The following ZNF618 variants were observed in gnomAD, a reference collection of about 807,000 sequenced individuals.
ZNF618 encodes the protein zinc finger protein 618, also known as neural precursor cell expressed, developmentally down-regulated 10.
In ZNF618, 34 loss-of-function variants were observed where a neutral mutation model predicts 103.0. The observed-to-expected ratio is 0.33, with a 90% CI of 0.25 to 0.44. ZNF618 has a LOEUF of 0.44. Ranked by LOEUF, ZNF618 falls within the 20% of genes least tolerant of loss-of-function variation. The pLI is 1.00. For missense variants in ZNF618, 1,059 were observed against 1,295.4 expected (o/e 0.82, Z 2.80); for synonymous variants, 551 against 542.2 (o/e 1.02, Z -0.23).
At position 113,943,225 on chromosome 9, in the gene ZNF618, G is replaced by A. The variant is rs554030271; in HGVS notation, c.34-25892G>A. 9.8e-5 allele frequency among the ~76,000 whole-genome samples: 15 copies of A among 152,318 alleles called. No homozygotes were observed. The South Asian group carries it at 2.1e-3, about 21-fold the overall frequency. ...CTCCAGTGGCTCAGAGCAGGCATGG[G>A]AATGGATCATTGTGATAGCCTGCGG... is the stretch of plus-strand genomic sequence containing the variant. On this transcript the variant is annotated intron_variant, in intron 1 of 14. Transcript: ENST00000374126.
chr9:113,920,493 C>G (rs1470253881), intron 1 of ZNF618, among the ~76,000 whole-genome samples: 1 of 148,252 alleles, frequency 6.7e-6, no homozygotes, highest in East Asian at 2.0e-4. Flanking sequence ...CTTCCACCTT[C>G]TAGGTTCAAG....
intron 1 of ZNF618, among the ~76,000 whole-genome samples, chr9:113,908,423 C>CAT (rs1831189493): frequency 6.6e-6 from 1 of 152,034 alleles, no homozygotes. Context: ...CTCCTTCCTC[C>CAT]ATACAAAAAT....
chr9:113,938,165 GT>G lies in ZNF618; in HGVS notation c.34-30930del, dbSNP rs770850585. ...GTTTTTAGGAAAGCTTCAGGCTCCTGTTTTTTTTTTTTTTTTTTTTTTGAGA... is the reference window on the plus strand; with the variant it reads ...GTTTTTAGGAAAGCTTCAGGCTCCTGTTTTTTTTTTTTTTTTTTTTTGAGA... On this transcript the variant is annotated intron_variant, in intron 1 of 14. Coordinates refer to ENST00000374126, the MANE Select transcript of ZNF618 (RefSeq NM_001318042.2). Among the ~76,000 whole-genome samples the G allele has an allele frequency of 4.7e-3, 452 of 95,492 alleles. 1 individual carries two copies. The highest frequency in any genetic ancestry group is 0.016 in the African/African-American group (410 of 24,962). 62.6% of individuals were successfully genotyped at this position (95,492 alleles called of 152,430 possible). A position where few individuals can be genotyped will look rare whatever the true frequency, so the allele number is the denominator to read the frequency against.
chr9:114,014,731 C>T (rs1842519070), intron 9 of ZNF618, among the ~76,000 whole-genome samples: 1 of 151,800 alleles, frequency 6.6e-6, no homozygotes, highest in Non-Finnish European at 1.5e-5. Flanking sequence ...TTCTGGAGGG[C>T]TTGTTAAAAC....
rs9942859 is a variant in ZNF618 at position 113,926,891 on chromosome 9, T to A, written c.34-42226T>A. Reference sequence around the variant, plus strand: ...AGCTGAGTATGGTGGCATGTGCCTATAGTCTCAGCTACTCAGGAGGCTGAG... The same window carrying A: ...AGCTGAGTATGGTGGCATGTGCCTAAAGTCTCAGCTACTCAGGAGGCTGAG... On this transcript the variant is annotated intron_variant, in intron 1 of 14. Transcript: ENST00000374126. 6.4e-3 allele frequency among the ~76,000 whole-genome samples: 975 copies of A among 152,294 alleles called. 10 individuals are homozygous for A. Among genetic ancestry groups the A allele is most frequent in the African/African-American group, 0.023 (938 of 41,556 alleles).
intron 9 of ZNF618, among the ~76,000 whole-genome samples, chr9:114,009,878 G>A (rs1008697842): frequency 6.6e-6 from 1 of 152,152 alleles, no homozygotes; most frequent in Non-Finnish European, 1.5e-5. Flanking sequence ...GTCATGGGAT[G>A]ATTCTTTGCT....
At chr9:114,019,515 C>G (rs138076865) in intron 10 of ZNF618, among the ~76,000 whole-genome samples, 182 of 152,320 alleles carry the variant, frequency 1.2e-3, no homozygotes, top group African/African-American at 4.1e-3. Flanking sequence ...TGGTATTGGT[C>G]TGTTTAATTC....
chr9:114,016,132 C>T, intron 9 of ZNF618: 1 of 1,612,920 alleles, frequency 6.2e-7, no homozygotes, highest in South Asian at 1.1e-5. Context: ...TTACATCAGA[C>T]ATTTTTAAGA....
chr9:113,930,199 T>C (rs1368931596), intron 1 of ZNF618, among the ~76,000 whole-genome samples: 10 of 152,198 alleles, frequency 6.6e-5, no homozygotes, highest in Admixed American at 6.5e-4. Flanking sequence ...CCCAAGTTTT[T>C]TGGGGAAACT....
chr9:113,876,549 A>G (rs1827950638), intron 1 of ZNF618, 136 bp downstream of exon 1: 1 of 666,476 alleles, frequency 1.5e-6, no homozygotes, highest in East Asian at 6.3e-5. Context: ...TGTGGGCGCA[A>G]TCGGGAGGGT....
intron 13 of ZNF618, among the ~76,000 whole-genome samples, chr9:114,042,682 A>G (rs564277081): frequency 6.6e-6 from 1 of 152,238 alleles, no homozygotes; most frequent in Non-Finnish European, 1.5e-5. Flanking sequence ...AATTAAAAAT[A>G]AGCCATGCAT....
At chr9:113,978,887 AGCAT>A (rs1405856774) in intron 2 of ZNF618, among the ~76,000 whole-genome samples, 1 of 152,154 alleles carries the variant, frequency 6.6e-6, no homozygotes, top group Non-Finnish European at 1.5e-5. Flanking sequence ...GCACCGCCCC[AGCAT>A]GTCATAAGCA....
rs1324603589 is a variant in ZNF618 at position 113,951,509 on chromosome 9, ATG to A, written c.34-17602_34-17601del. 9.9e-5 allele frequency among the ~76,000 whole-genome samples: 8 copies of A among 80,674 alleles called. 3 individuals are homozygous for A. In the South Asian group the frequency reaches 1.7e-3, roughly 17 times the overall value. The allele number at this position is 80,674 out of a possible 152,430, so 52.9% of individuals were successfully genotyped here. A position where few individuals can be genotyped will look rare whatever the true frequency, so the allele number is the denominator to read the frequency against. On this transcript the variant is annotated intron_variant, in intron 1 of 14. Coordinates refer to ENST00000374126, the MANE Select transcript of ZNF618 (RefSeq NM_001318042.2). ...TATATGTGTGTATGTGTACACATATATGTGTGTATATGTACACATATGTGTGT... is the reference window on the plus strand; with the variant it reads ...TATATGTGTGTATGTGTACACATATATGTGTATATGTACACATATGTGTGT...
At position 114,049,618 on chromosome 9, in the gene ZNF618, G is replaced by C. The variant is rs367827128; in HGVS notation, c.2316G>C (p.Thr772=). 6.2e-7 allele frequency: 1 copy of C among 1,613,832 alleles called. No homozygotes were observed. Among genetic ancestry groups the C allele is most frequent in the Non-Finnish European group, 8.5e-7 (1 of 1,179,900 alleles). ...PTYVRLEKLF[T]AKANDAGTVS... ...ACGTCAGGCTGGAGAAGCTGTTCACGGCCAAGGCCAACGACGCAGGCACTG... is the reference window on the plus strand; with the variant it reads ...ACGTCAGGCTGGAGAAGCTGTTCACCGCCAAGGCCAACGACGCAGGCACTG... Residue 772 remains threonine, a synonymous_variant, in exon 15 of 15, where the codon ACG becomes ACC. Coordinates refer to ENST00000374126, the MANE Select transcript of ZNF618 (RefSeq NM_001318042.2).
intron 4 of ZNF618, among the ~76,000 whole-genome samples, chr9:114,000,226 C>T (rs542573744): frequency 5.3e-5 from 8 of 152,194 alleles, no homozygotes; most frequent in African/African-American, 1.2e-4. Flanking sequence ...GTGTGCCAGC[C>T]GACTCACATG....
Position 114,052,758 on chromosome 9 carries a change from T to C in ZNF618, c.*2591T>C, listed in dbSNP as rs1033691038. ...AGTTGTGCTGGTGATGCCCCATTAT[T>C]GGGCCAGTTGATTAGAAAATAGGCA... On this transcript the variant is annotated 3_prime_UTR_variant, in exon 15 of 15. Coordinates refer to ENST00000374126, the MANE Select transcript of ZNF618 (RefSeq NM_001318042.2). 2.0e-5 allele frequency: 3 copies of C among 152,252 alleles called. No individual in the cohort carries two copies. The highest frequency in any genetic ancestry group is 4.4e-5 in the Non-Finnish European group (3 of 68,062). The allele number at this position is 152,252 out of a possible 1,614,324, so 9.4% of individuals were successfully genotyped here. A position where few individuals can be genotyped will look rare whatever the true frequency, so the allele number is the denominator to read the frequency against.
At chr9:113,905,525 A>C (rs1367908550) in intron 1 of ZNF618, among the ~76,000 whole-genome samples, 4 of 152,186 alleles carry the variant, frequency 2.6e-5, no homozygotes, top group Non-Finnish European at 5.9e-5. Flanking sequence ...ACAATCCATA[A>C]AACCTAAAAT....
chr9:113,995,995 G>T (rs1840554575), intron 3 of ZNF618, among the ~76,000 whole-genome samples: 1 of 152,160 alleles, frequency 6.6e-6, no homozygotes, highest in Non-Finnish European at 1.5e-5. Flanking sequence ...TTTTAGGAAA[G>T]AACACATTTA....
chr9:113,989,075 G>A (rs1330170), intron 3 of ZNF618, among the ~76,000 whole-genome samples: 1 of 152,204 alleles, frequency 6.6e-6, no homozygotes, highest in African/African-American at 2.4e-5. Context: ...TCACATCTTA[G>A]CAACAATTTC....
Sources: allele counts gnomAD v4.1 joint callset (sites outside exome capture counted in the v4.1 genomes callset), GRCh38; gene constraint gnomAD v4.1.1; transcripts MANE v1.5; gene names NCBI Gene and HGNC (gene_info 2026-07-23, HGNC 2026-07-21).